The following SLC25A43 variants were observed in gnomAD, a reference collection of about 807,000 sequenced individuals.
SLC25A43 encodes solute carrier family 25, member 43.
A neutral mutation model predicts 22.8 loss-of-function variants in SLC25A43; 10 were observed. That is an observed-to-expected ratio of 0.44 (90% CI 0.27 to 0.74). The LOEUF (loss-of-function observed/expected upper bound fraction) is 0.74, where lower values mean the gene tolerates loss of function less well. Ranked by LOEUF, SLC25A43 falls within the 30% of genes least tolerant of loss-of-function variation. SLC25A43 has a pLI of 0.17. For synonymous variants in SLC25A43, 106 were observed against 121.6 expected (o/e 0.87, Z 0.84); for missense variants, 233 against 279.1 (o/e 0.83, Z 1.18).
intron 2 of SLC25A43, among the ~76,000 whole-genome samples, chrX:119,409,799 A>G (rs779008255): frequency 1.8e-5 from 2 of 110,266 alleles, no homozygotes; most frequent in South Asian, 7.8e-4. Flanking sequence ...TATTTTTAGT[A>G]GAGATGGGGT....
chrX:119,423,465 G>T (rs2052473100), intron 3 of SLC25A43: 1 of 108,358 alleles, frequency 9.2e-6, no homozygotes, highest in African/African-American at 3.4e-5. Flanking sequence ...GGAGGTGGAG[G>T]TTGCAGTGAG....
chrX:119,446,535 T>C (rs1416160272), intron 3 of SLC25A43, among the ~76,000 whole-genome samples: 1 of 112,701 alleles, frequency 8.9e-6, no homozygotes, highest in African/African-American at 3.2e-5. Flanking sequence ...ATGTGTAATA[T>C]TTTGTACTAT....
At chrX:119,409,387 A>G (rs924149700) in intron 2 of SLC25A43, among the ~76,000 whole-genome samples, 2 of 107,988 alleles carry the variant, frequency 1.9e-5, no homozygotes, top group Non-Finnish European at 1.9e-5. Context: ...CCGTTTTAGT[A>G]GAGATGGAGT....
In SLC25A43 at chrX:119,453,083, A is replaced by T; in HGVS notation, c.*18A>T. 8.7e-7 allele frequency: 1 copy of T among 1,155,724 alleles called. No individual in the cohort carries two copies. Among genetic ancestry groups the T allele is most frequent in the East Asian group, 3.0e-5 (1 of 33,677 alleles). On this transcript the variant is annotated 3_prime_UTR_variant, in exon 5 of 5. Coordinates refer to ENST00000217909, the MANE Select transcript of SLC25A43 (RefSeq NM_145305.3). Reference sequence around the variant, plus strand: ...CTCTATAAAATGGAATGGAACTAGAAGTGCACTGACTGACAGCATGTTGCA... The same window carrying T: ...CTCTATAAAATGGAATGGAACTAGATGTGCACTGACTGACAGCATGTTGCA...
rs1395198601 is a variant in SLC25A43, at chrX:119,443,746, A to ATT, written c.691-8261_691-8260dup. On this transcript the variant is annotated intron_variant, in intron 3 of 4. Transcript: ENST00000217909. ...TTTTTATTTATTTATTTATTTATTT[A>ATT]TTTATTTTTATTTTTTTGAAACAGG... Among the ~76,000 whole-genome samples, 304 of 103,101 alleles carry ATT rather than the reference A, an allele frequency of 2.9e-3. 2 individuals carry two copies. The highest frequency in any genetic ancestry group is 1.0e-2 in the African/African-American group (284 of 28,440). The allele number at this position is 103,101 out of a possible 115,157, so 89.5% of individuals were successfully genotyped here. A position where few individuals can be genotyped will look rare whatever the true frequency, so the allele number is the denominator to read the frequency against.
At chrX:119,434,852 T>A (rs1266972393) in intron 3 of SLC25A43, 1 of 105,929 alleles carries the variant, frequency 9.4e-6, no homozygotes, top group Non-Finnish European at 1.9e-5. Flanking sequence ...TGAGACAGAG[T>A]CCGCTGCGAC....
chrX:119,406,605 G>A lies in SLC25A43; in HGVS notation c.421G>A (p.Glu141Lys). 1 of 1,211,817 alleles carries A rather than the reference G, an allele frequency of 8.3e-7. No individual in the cohort carries two copies. Among genetic ancestry groups the A allele is most frequent in the Non-Finnish European group, 1.1e-6 (1 of 895,500 alleles). The change falls in exon 2 of 5, where the codon GAA becomes AAA. Residue 141 changes from glutamate to lysine, a missense_variant. Transcript: ENST00000217909. ...CCGGTTGATCATGCAGAACATACTG[G>A]AACCATCGTACAGGGGGCTCCTCCA... ...KTRLIMQNIL[E>K]PSYRGLLHAF...
chrX:119,401,862 C>T (rs887625606), intron 1 of SLC25A43, among the ~76,000 whole-genome samples: 5 of 110,466 alleles, frequency 4.5e-5, no homozygotes, highest in African/African-American at 1.7e-4. Context: ...CACTAGTCCA[C>T]ATAGCAGCTG....
chrX:119,404,929 G>A (rs1485348461), intron 1 of SLC25A43, among the ~76,000 whole-genome samples: 3 of 112,268 alleles, frequency 2.7e-5, no homozygotes, highest in Non-Finnish European at 5.6e-5. Context: ...TGTGGGCTGT[G>A]GGTTGGACAA....
At chrX:119,406,824 C>A in intron 2 of SLC25A43, 123 bp downstream of exon 2, 1 of 847,397 alleles carries the variant, frequency 1.2e-6, no homozygotes, top group Non-Finnish European at 1.6e-6. Context: ...TGGATTCAAC[C>A]TACATAGAGG....
chrX:119,406,442 C>G lies in SLC25A43; in HGVS notation c.276-18C>G. 1 of 1,208,028 alleles carries G rather than the reference C, an allele frequency of 8.3e-7. No individual in the cohort carries two copies. The highest frequency in any genetic ancestry group is 1.1e-6 in the Non-Finnish European group (1 of 892,699). On this transcript the variant is annotated intron_variant, in intron 1 of 4. Transcript: ENST00000217909. ...TCCATAGTTGATTTCTCTGGCCTTT[C>G]CCCCTATTTTCTCCCAGATTTGTTG...
chrX:119,411,525 G>T (rs536540479), intron 3 of SLC25A43, among the ~76,000 whole-genome samples: 4 of 109,702 alleles, frequency 3.6e-5, no homozygotes, highest in Non-Finnish European at 7.6e-5. Context: ...AAAATGAGGC[G>T]GCATCTTAGT....
intron 1 of SLC25A43, among the ~76,000 whole-genome samples, chrX:119,405,904 C>T (rs968041641): frequency 1.3e-4 from 14 of 111,444 alleles, no homozygotes; most frequent in African/African-American, 2.0e-4. Flanking sequence ...TGGTGGCGTG[C>T]GCCTGTTGTC....
In SLC25A43 at chrX:119,454,135, T is replaced by C. The variant is rs1445105354; in HGVS notation, c.*1070T>C. The C allele has an allele frequency of 1.8e-5, 2 of 112,215 alleles. No individual in the cohort carries two copies. Among genetic ancestry groups the C allele is most frequent in the African/African-American group, 6.5e-5 (2 of 30,842 alleles). The allele number at this position is 112,215 out of a possible 1,213,427, so 9.2% of individuals were successfully genotyped here. A position where few individuals can be genotyped will look rare whatever the true frequency, so the allele number is the denominator to read the frequency against. On this transcript the variant is annotated 3_prime_UTR_variant, in exon 5 of 5. Transcript: ENST00000217909. ...GCAAGCCTACTCTGAAAATAAGTTA[T>C]TTAGTCAAGTTATTCTCAAAGATGT...
intron 3 of SLC25A43, among the ~76,000 whole-genome samples, chrX:119,425,455 C>T (rs1424365407): frequency 1.8e-5 from 2 of 109,024 alleles, no homozygotes; most frequent in Non-Finnish European, 3.8e-5. Flanking sequence ...AGTCAAATTA[C>T]CTGTCCAGAG....
At chrX:119,442,757 G>C (rs1465830501) in intron 3 of SLC25A43, among the ~76,000 whole-genome samples, 1 of 112,351 alleles carries the variant, frequency 8.9e-6, no homozygotes, top group Non-Finnish European at 1.9e-5. Context: ...AATGAATTTT[G>C]ATATTTGTTT....
At position 119,418,345 on chromosome X, in the gene SLC25A43, T is replaced by C. The variant is rs137914690; in HGVS notation, c.690+7983T>C. 3.9e-3 allele frequency among the ~76,000 whole-genome samples: 436 copies of C among 111,691 alleles called. 2 individuals are homozygous for C. The highest frequency in any genetic ancestry group is 0.038 in the East Asian group (133 of 3,528). On this transcript the variant is annotated intron_variant, in intron 3 of 4. Transcript: ENST00000217909. ...GACCTTTGCAGGGCCACTGGGCTGC[T>C]CTGACCTGAGCACACTTAATGGCAA... is the stretch of plus-strand genomic sequence containing the variant.
intron 3 of SLC25A43, among the ~76,000 whole-genome samples, chrX:119,432,107 C>T (rs978440068): frequency 9.6e-6 from 1 of 104,033 alleles, no homozygotes; most frequent in African/African-American, 3.5e-5. Context: ...GAGCCGAGAT[C>T]GCTCCAAAAA....
Position 119,399,357 on chromosome X carries a change from G to A in SLC25A43, c.-47G>A. ...CGCCACCTCCGCCCGTGGCCGGAGA[G>A]CCCCAGGCCCGAGCCACGCGGTCTT... On this transcript the variant is annotated 5_prime_UTR_variant, in exon 1 of 5. Coordinates refer to ENST00000217909, the MANE Select transcript of SLC25A43 (RefSeq NM_145305.3). The A allele has an allele frequency of 3.3e-6, 3 of 912,781 alleles. No individual in the cohort carries two copies. Among genetic ancestry groups the A allele is most frequent in the Non-Finnish European group, 4.1e-6 (3 of 727,893 alleles). 75.2% of individuals were successfully genotyped at this position (912,781 alleles called of 1,213,427 possible). A position where few individuals can be genotyped will look rare whatever the true frequency, so the allele number is the denominator to read the frequency against.
Sources: gnomAD v4.1 joint callset for allele counts (sites outside exome capture counted in the v4.1 genomes callset) on GRCh38, gnomAD v4.1.1 for gene constraint, MANE v1.5 for transcripts, NCBI Gene and HGNC (gene_info 2026-07-23, HGNC 2026-07-21) for gene names.